The following WDPCP variants were observed in gnomAD, a reference collection of about 807,000 sequenced individuals.
WDPCP encodes WD repeat-containing and planar cell polarity effector protein fritz homolog.
WDPCP carries 71 observed loss-of-function variants against 93.1 expected under a neutral mutation model. The ratio of observed to expected loss-of-function variants is 0.76; its 90% confidence interval spans 0.63 to 0.93. The LOEUF (loss-of-function observed/expected upper bound fraction) is 0.93. Among genes scored for constraint, WDPCP ranks in the 40% least tolerant of loss-of-function variants. The pLI is 0.00. For synonymous variants in WDPCP, 315 were observed against 315.0 expected (o/e 1.00, Z 0.00); for missense variants, 844 against 887.4 (o/e 0.95, Z 0.62).
chr2:63,414,225 G>A (rs1434567521), intron 9 of WDPCP, among the ~76,000 whole-genome samples: 1 of 152,144 alleles, frequency 6.6e-6, no homozygotes, highest in African/African-American at 2.4e-5. Flanking sequence ...CTATGCTGCT[G>A]TTGGGAACGT....
chr2:63,330,628 C>G (rs1053718444), intron 12 of WDPCP, among the ~76,000 whole-genome samples: 29 of 151,604 alleles, frequency 1.9e-4, no homozygotes, highest in African/African-American at 6.5e-4. Flanking sequence ...GCCTATGATT[C>G]TGATATCAAA....
chr2:63,535,878 A>G (rs1704237301), intron 1 of WDPCP, among the ~76,000 whole-genome samples: 1 of 152,234 alleles, frequency 6.6e-6, no homozygotes, highest in Non-Finnish European at 1.5e-5. Flanking sequence ...TAATTAAACT[A>G]AAGAGCTTCT....
At chr2:63,442,470 C>A (rs550470213) in intron 6 of WDPCP, 1 of 152,198 alleles carries the variant, frequency 6.6e-6, no homozygotes, top group South Asian at 2.1e-4. Context: ...TGTATGCATG[C>A]TCTTGCCTCC....
At chr2:63,139,287 T>A (rs1670886310) in intron 17 of WDPCP, among the ~76,000 whole-genome samples, 1 of 152,220 alleles carries the variant, frequency 6.6e-6, no homozygotes, top group Non-Finnish European at 1.5e-5. Context: ...TAAAAATGCA[T>A]GTACAAGTAT....
intron 2 of WDPCP, among the ~76,000 whole-genome samples, chr2:63,742,026 G>A (rs573310884): frequency 6.6e-6 from 1 of 152,160 alleles, no homozygotes; most frequent in Non-Finnish European, 1.5e-5. Flanking sequence ...CACATGTCAG[G>A]CATATTTTAG....
intron 13 of WDPCP, among the ~76,000 whole-genome samples, chr2:63,286,754 T>C (rs577192861): frequency 1.3e-3 from 191 of 152,386 alleles, no homozygotes; most frequent in Middle Eastern, 6.8e-3. Flanking sequence ...TTATGATGTT[T>C]AGATATTCTA....
intron 1 of WDPCP, among the ~76,000 whole-genome samples, chr2:63,575,439 G>GTATATACAC (rs1402088527): frequency 2.2e-5 from 2 of 92,012 alleles, no homozygotes; most frequent in African/African-American, 1.1e-4. Flanking sequence ...TGTATATACA[G>GTATATACAC]TGTATACACT....
chr2:63,834,544 G>C, the WDPCP span, among the ~76,000 whole-genome samples: 1 of 152,122 alleles, frequency 6.6e-6, no homozygotes, highest in Non-Finnish European at 1.5e-5. Context: ...GATTCTTTCA[G>C]GCCTGGGGCA....
At chr2:63,641,879 C>T (rs1709983763) in intron 3 of WDPCP, among the ~76,000 whole-genome samples, 2 of 152,122 alleles carry the variant, frequency 1.3e-5, no homozygotes, top group Non-Finnish European at 2.9e-5. Context: ...ACACCAATGT[C>T]GTGGAGACTT....
intron 3 of WDPCP, among the ~76,000 whole-genome samples, chr2:63,646,119 C>G (rs1292664528): frequency 6.6e-6 from 1 of 151,992 alleles, no homozygotes; most frequent in East Asian, 1.9e-4. Flanking sequence ...AGGTAATTTT[C>G]TCTAATGATA....
At chr2:63,732,406 G>C (rs1308900864) in intron 2 of WDPCP, among the ~76,000 whole-genome samples, 1 of 152,196 alleles carries the variant, frequency 6.6e-6, no homozygotes, top group Non-Finnish European at 1.5e-5. Context: ...ACAAAAAAAG[G>C]TGATTTGTAA....
chr2:63,744,754 C>G (rs1347594582), intron 2 of WDPCP, among the ~76,000 whole-genome samples: 1 of 152,006 alleles, frequency 6.6e-6, no homozygotes, highest in African/African-American at 2.4e-5. Flanking sequence ...TCTGCACAAC[C>G]CAGAGAAAAC....
chr2:63,527,582 G>GCCATAAATACATAGTATTCCA (rs1553422168), intron 1 of WDPCP, among the ~76,000 whole-genome samples: 3 of 151,978 alleles, frequency 2.0e-5, no homozygotes, highest in Non-Finnish European at 4.4e-5. Flanking sequence ...GTATTCCATG[G>GCCATAAATACATAGTATTCCA]TGTATATGTG....
chr2:63,662,416 T>C (rs919282436), intron 2 of WDPCP, among the ~76,000 whole-genome samples: 5 of 152,160 alleles, frequency 3.3e-5, no homozygotes, highest in Non-Finnish European at 7.3e-5. Flanking sequence ...CATAAATTCA[T>C]ATTTATGACA....
intron 17 of WDPCP, among the ~76,000 whole-genome samples, chr2:63,150,152 C>T (rs1046007290): frequency 3.3e-5 from 5 of 151,990 alleles, no homozygotes; most frequent in African/African-American, 1.2e-4. Context: ...TCAAAGGTAC[C>T]GGTAATGTTA....
chr2:63,227,867 T>C (rs1477613348), intron 14 of WDPCP, among the ~76,000 whole-genome samples: 1 of 152,100 alleles, frequency 6.6e-6, no homozygotes, highest in East Asian at 1.9e-4. Flanking sequence ...AAAAGGTACA[T>C]TTATTTTACA....
intron 11 of WDPCP, among the ~76,000 whole-genome samples, chr2:63,381,509 A>G (rs1692306471): frequency 6.6e-6 from 1 of 152,118 alleles, no homozygotes; most frequent in Admixed American, 6.6e-5. Flanking sequence ...CGGTGTGAGA[A>G]AAAAATATTG....
intron 2 of WDPCP, among the ~76,000 whole-genome samples, chr2:63,758,821 A>G (rs1008738760): frequency 6.6e-6 from 1 of 151,924 alleles, no homozygotes; most frequent in African/African-American, 2.4e-5. Context: ...TTTGTTGCCC[A>G]GGCTGGAGTG....
At chr2:63,610,581 G>A (rs1323579541) in intron 3 of WDPCP, among the ~76,000 whole-genome samples, 3 of 150,740 alleles carry the variant, frequency 2.0e-5, no homozygotes, top group Non-Finnish European at 4.4e-5. Context: ...AAAAAAAAAA[G>A]GAATACATAG....
Sources: allele counts gnomAD v4.1 joint callset (sites outside exome capture counted in the v4.1 genomes callset), GRCh38; gene constraint gnomAD v4.1.1; transcripts MANE v1.5; gene names NCBI Gene and HGNC (gene_info 2026-07-23, HGNC 2026-07-21).